Variants in IL1RAPL1 observed in about 807,000 individuals in gnomAD.
IL1RAPL1 encodes the protein interleukin 1 receptor accessory protein like 1, also known as interleukin-1 receptor accessory protein-like 1.
In IL1RAPL1, 3 loss-of-function variants were observed where a neutral mutation model predicts 48.4. That is an observed-to-expected ratio of 0.06 (90% CI 0.03 to 0.16). IL1RAPL1 has a LOEUF of 0.16. Among genes scored for constraint, IL1RAPL1 ranks in the 10% least tolerant of loss-of-function variants. IL1RAPL1 has a pLI of 1.00. For missense variants in IL1RAPL1, 349 were observed against 530.6 expected (o/e 0.66, Z 3.36); for synonymous variants, 185 against 187.7 (o/e 0.99, Z 0.12).
intron 1 of IL1RAPL1, among the ~76,000 whole-genome samples, chrX:28,776,007 T>C (rs756096634): frequency 8.9e-6 from 1 of 112,165 alleles, no homozygotes; most frequent in Admixed American, 9.5e-5. Context: ...ACTCATGTTT[T>C]CCCTGGCAAG....
At chrX:29,910,858 G>A (rs138893610) in intron 6 of IL1RAPL1, among the ~76,000 whole-genome samples, 15 of 111,460 alleles carry the variant, frequency 1.3e-4, no homozygotes, top group Admixed American at 2.9e-4. Flanking sequence ...TAATCAAAGC[G>A]ACAGATGCTA....
At chrX:28,861,160 G>A (rs1431003156) in intron 2 of IL1RAPL1, among the ~76,000 whole-genome samples, 1 of 111,319 alleles carries the variant, frequency 9.0e-6, no homozygotes. Flanking sequence ...AAACAAGACA[G>A]CCACTTATAG....
intron 6 of IL1RAPL1, among the ~76,000 whole-genome samples, chrX:29,890,129 C>G (rs745767217): frequency 2.7e-5 from 3 of 111,571 alleles, no homozygotes; most frequent in Non-Finnish European, 5.6e-5. Flanking sequence ...TTTCTATTCT[C>G]TCACTGTCTA....
chrX:28,880,941 A>G (rs1353514276), intron 2 of IL1RAPL1, among the ~76,000 whole-genome samples: 1 of 111,492 alleles, frequency 9.0e-6, no homozygotes, highest in East Asian at 2.8e-4. Flanking sequence ...TGGTTTTCTT[A>G]TTGAATGAAT....
chrX:29,138,510 G>T (rs1929176398), intron 2 of IL1RAPL1, among the ~76,000 whole-genome samples: 1 of 111,057 alleles, frequency 9.0e-6, no homozygotes, highest in Non-Finnish European at 1.9e-5. Context: ...GCTCATGCCG[G>T]TAATCCCGGC....
chrX:29,927,514 T>G (rs1932900826), intron 8 of IL1RAPL1, among the ~76,000 whole-genome samples: 1 of 111,972 alleles, frequency 8.9e-6, no homozygotes, highest in African/African-American at 3.2e-5. Flanking sequence ...TACTTGCTAC[T>G]CAGAGAGATG....
At chrX:29,172,017 G>C in intron 2 of IL1RAPL1, among the ~76,000 whole-genome samples, 1 of 112,275 alleles carries the variant, frequency 8.9e-6, no homozygotes, top group African/African-American at 3.2e-5. Flanking sequence ...ATAACCTCAA[G>C]ATGTCTTTAA....
chrX:29,287,568 C>T (rs1020037908), intron 3 of IL1RAPL1, among the ~76,000 whole-genome samples: 3 of 112,252 alleles, frequency 2.7e-5, no homozygotes, highest in Non-Finnish European at 3.8e-5. Flanking sequence ...CACATCCTTG[C>T]AGCATTTGCG....
chrX:29,802,954 T>TAC, intron 6 of IL1RAPL1, among the ~76,000 whole-genome samples: 1 of 49,251 alleles, frequency 2.0e-5, no homozygotes, highest in African/African-American at 7.8e-5. Context: ...TATGCATATA[T>TAC]GTATACATGT....
chrX:28,753,706 T>A (rs755793274), intron 1 of IL1RAPL1, among the ~76,000 whole-genome samples: 1 of 112,446 alleles, frequency 8.9e-6, no homozygotes, highest in Non-Finnish European at 1.9e-5. Context: ...TTACTCCCAG[T>A]AATTAGGCCT....
At chrX:29,420,124 A>G (rs1231051775) in intron 5 of IL1RAPL1, among the ~76,000 whole-genome samples, 1 of 111,742 alleles carries the variant, frequency 8.9e-6, no homozygotes, top group African/African-American at 3.3e-5. Flanking sequence ...TAAATCACAT[A>G]ATGGGGGGAA....
At chrX:28,711,496 G>A (rs1175821578) in intron 1 of IL1RAPL1, among the ~76,000 whole-genome samples, 1 of 110,129 alleles carries the variant, frequency 9.1e-6, no homozygotes, top group Non-Finnish European at 1.9e-5. Context: ...AGCTATCAGC[G>A]TAAATAAAAA....
At chrX:29,940,441 T>G (rs1199800581) in intron 8 of IL1RAPL1, among the ~76,000 whole-genome samples, 1 of 111,778 alleles carries the variant, frequency 8.9e-6, no homozygotes. Context: ...TACTGGTGGA[T>G]TCTGAATTAC....
chrX:28,759,479 C>T (rs147585769), intron 1 of IL1RAPL1, among the ~76,000 whole-genome samples: 3,172 of 109,921 alleles, frequency 0.029, 120 homozygotes, highest in African/African-American at 0.1. Context: ...TATTTAAAAA[C>T]TGATGATTTT....
intron 2 of IL1RAPL1, among the ~76,000 whole-genome samples, chrX:28,995,308 C>T (rs1925702193): frequency 9.0e-6 from 1 of 111,191 alleles, no homozygotes; most frequent in Admixed American, 9.6e-5. Context: ...TCACTAATCT[C>T]TTTTTAGCAG....
At chrX:28,873,623 C>T (rs1399819204) in intron 2 of IL1RAPL1, among the ~76,000 whole-genome samples, 4 of 102,336 alleles carry the variant, frequency 3.9e-5, no homozygotes, top group Admixed American at 1.1e-4. Flanking sequence ...GTTCCGCCTC[C>T]GGGGTTCACG....
intron 2 of IL1RAPL1, among the ~76,000 whole-genome samples, chrX:29,269,622 C>CTTTT (rs769725561): frequency 1.0e-5 from 1 of 97,030 alleles, no homozygotes; most frequent in African/African-American, 3.7e-5. Context: ...AGGCAACCTT[C>CTTTT]TTTTTTTTTT....
chrX:28,657,139 G>A (rs1934759429), intron 1 of IL1RAPL1, among the ~76,000 whole-genome samples: 1 of 111,485 alleles, frequency 9.0e-6, no homozygotes, highest in Non-Finnish European at 1.9e-5. Context: ...ATTTCATAGG[G>A]CTGTACGTAT....
intron 6 of IL1RAPL1, among the ~76,000 whole-genome samples, chrX:29,686,942 C>T (rs1451881886): frequency 9.2e-6 from 1 of 108,460 alleles, no homozygotes; most frequent in Non-Finnish European, 1.9e-5. Flanking sequence ...ATCAAATCTA[C>T]AGTGAGATAT....
Sources: allele counts gnomAD v4.1 joint callset (sites outside exome capture counted in the v4.1 genomes callset), GRCh38; gene constraint gnomAD v4.1.1; transcripts MANE v1.5; gene names NCBI Gene and HGNC (gene_info 2026-07-23, HGNC 2026-07-21).